SHC4: variants seen among roughly 807,000 people sequenced by gnomAD.
The protein encoded by SHC4 is SHC-transforming protein 4.
Under a neutral mutation model 69.4 loss-of-function variants are expected in SHC4, and 41 were observed. That is an observed-to-expected ratio of 0.59 (90% CI 0.46 to 0.77). The LOEUF (loss-of-function observed/expected upper bound fraction) is 0.77, where lower values mean the gene tolerates loss of function less well. SHC4 is among the 30% of genes least tolerant of loss of function. The probability of loss-of-function intolerance (pLI) is 0.00; values close to 1 mark genes in which losing one functional copy is unlikely to be tolerated. For missense variants in SHC4, 777 were observed against 783.8 expected (o/e 0.99, Z 0.10); for synonymous variants, 318 against 299.3 (o/e 1.06, Z -0.64).
At chr15:48,832,369 C>G (rs1898821782) in intron 11 of SHC4, among the ~76,000 whole-genome samples, 1 of 152,100 alleles carries the variant, frequency 6.6e-6, no homozygotes, top group South Asian at 2.1e-4. Flanking sequence ...TATATTGAAC[C>G]CACTGATAGT....
intron 2 of SHC4, among the ~76,000 whole-genome samples, chr15:48,910,231 T>G (rs1900483857): frequency 6.6e-6 from 1 of 152,146 alleles, no homozygotes; most frequent in South Asian, 2.1e-4. Flanking sequence ...ACCATTTCAA[T>G]CTCGCTGCTT....
chr15:48,892,589 G>A (rs1242482754), intron 2 of SHC4, among the ~76,000 whole-genome samples: 1 of 152,020 alleles, frequency 6.6e-6, no homozygotes, highest in Non-Finnish European at 1.5e-5. Context: ...CACTGATACT[G>A]CCGAAATAGC....
chr15:48,840,611 A>G (rs906467249), intron 10 of SHC4, among the ~76,000 whole-genome samples: 6 of 152,204 alleles, frequency 3.9e-5, no homozygotes, highest in Non-Finnish European at 7.3e-5. Context: ...TGCAGTTAAG[A>G]CATTTTATTA....
At chr15:48,900,487 A>G (rs1301670754) in intron 2 of SHC4, among the ~76,000 whole-genome samples, 5 of 151,786 alleles carry the variant, frequency 3.3e-5, no homozygotes, top group Non-Finnish European at 1.5e-5. Context: ...TGCCTGGGCT[A>G]CAGAGTGAGA....
rs889294249 is a variant in SHC4, at chr15:48,912,175, A to C, written c.656+12704T>G. On this transcript the variant is annotated intron_variant, in intron 2 of 11. Coordinates refer to ENST00000332408, the MANE Select transcript of SHC4 (RefSeq NM_203349.4). ...GTTTTCCTTGATTATTCCCCCAAAT[A>C]TGTCTTCCAAGTTTTGGAATTCTCT... Among the ~76,000 whole-genome samples, 32 of 152,158 alleles carry C rather than the reference A, an allele frequency of 2.1e-4. 1 individual carries two copies. The highest frequency in any genetic ancestry group is 2.0e-3 in the Admixed American group (30 of 15,284).
At chr15:48,885,294 A>G (rs1162911302) in intron 3 of SHC4, among the ~76,000 whole-genome samples, 1 of 152,064 alleles carries the variant, frequency 6.6e-6, no homozygotes, top group African/African-American at 2.4e-5. Context: ...AGACAAATAA[A>G]CTTTCTAAGC....
intron 4 of SHC4, among the ~76,000 whole-genome samples, chr15:48,875,262 C>T (rs1012923468): frequency 3.3e-5 from 5 of 152,212 alleles, no homozygotes; most frequent in African/African-American, 1.2e-4. Context: ...TGCATTAATA[C>T]TAAGCCTTTG....
At chr15:48,959,698 A>G (rs1374210558) in intron 1 of SHC4, among the ~76,000 whole-genome samples, 4 of 152,258 alleles carry the variant, frequency 2.6e-5, no homozygotes, top group Admixed American at 1.3e-4. Flanking sequence ...TTTTTCCTAC[A>G]GATGGGAATA....
chr15:48,896,019 T>G (rs145425346), intron 2 of SHC4, among the ~76,000 whole-genome samples: 352 of 152,148 alleles, frequency 2.3e-3, no homozygotes, highest in African/African-American at 8.1e-3. Flanking sequence ...GCCTAGGAGT[T>G]CAAGGCTGCA....
At chr15:48,893,167 G>A (rs1036981971) in intron 2 of SHC4, among the ~76,000 whole-genome samples, 2 of 152,116 alleles carry the variant, frequency 1.3e-5, no homozygotes, top group Non-Finnish European at 2.9e-5. Context: ...CTCTCAAGGA[G>A]GTTTTGAAAG....
chr15:48,857,557 G>T, intron 7 of SHC4, 135 bp downstream of exon 7: 1 of 788,622 alleles, frequency 1.3e-6, no homozygotes, highest in Non-Finnish European at 1.7e-6. Flanking sequence ...CTATTTGCAA[G>T]AAAAAAATTA....
intron 1 of SHC4, among the ~76,000 whole-genome samples, chr15:48,933,180 T>G (rs1438930429): frequency 6.6e-6 from 1 of 152,118 alleles, no homozygotes; most frequent in African/African-American, 2.4e-5. Context: ...ATCATTCCAG[T>G]CCCTCGTTAC....
intron 4 of SHC4, chr15:48,876,431 T>C (rs1340096156): frequency 8.2e-6 from 3 of 367,248 alleles, no homozygotes; most frequent in Non-Finnish European, 9.5e-6. Flanking sequence ...ACAGAACTAA[T>C]GGAATATATA....
chr15:48,826,335 T>A (rs2140961007), intron 11 of SHC4, among the ~76,000 whole-genome samples: 1 of 150,366 alleles, frequency 6.7e-6, no homozygotes, highest in South Asian at 2.1e-4. Flanking sequence ...CACTGCAACC[T>A]CCACCTCCTG....
chr15:48,902,029 C>T (rs1242099460), intron 2 of SHC4, among the ~76,000 whole-genome samples: 4 of 152,014 alleles, frequency 2.6e-5, no homozygotes, highest in Admixed American at 6.6e-5. Context: ...TGGCAAAACC[C>T]TGTCTCTACA....
intron 11 of SHC4, among the ~76,000 whole-genome samples, chr15:48,831,498 T>C (rs1024332041): frequency 3.3e-5 from 5 of 152,344 alleles, no homozygotes; most frequent in Admixed American, 6.5e-5. Context: ...ATATTTACCA[T>C]TGTGTTACAA....
chr15:48,864,968 G>A (rs971377386), intron 6 of SHC4, among the ~76,000 whole-genome samples: 9 of 151,960 alleles, frequency 5.9e-5, no homozygotes, highest in African/African-American at 2.2e-4. Flanking sequence ...GCCTTTACAC[G>A]CACATTCGCA....
rs952898337 is a variant in SHC4 at position 48,837,285 on chromosome 15, C to T, written c.1484-2263G>A. 7.2e-5 allele frequency among the ~76,000 whole-genome samples: 11 copies of T among 152,102 alleles called. 1 individual carries two copies. The highest frequency in any genetic ancestry group is 2.2e-4 in the African/African-American group (9 of 41,404). On this transcript the variant is annotated intron_variant, in intron 10 of 11. Coordinates refer to ENST00000332408, the MANE Select transcript of SHC4 (RefSeq NM_203349.4). ...AAATTAGCAGAAGGACAAGATACTCCGCTGGGAGATTTCAATCATCCAAAC... is the reference window on the plus strand; with the variant it reads ...AAATTAGCAGAAGGACAAGATACTCTGCTGGGAGATTTCAATCATCCAAAC...
intron 11 of SHC4, among the ~76,000 whole-genome samples, chr15:48,829,078 C>T (rs1324673366): frequency 1.3e-5 from 2 of 152,136 alleles, no homozygotes; most frequent in Non-Finnish European, 2.9e-5. Flanking sequence ...AGTTTTCCTT[C>T]TGCCTCTAGT....
Sources: gnomAD v4.1 joint callset for allele counts (sites outside exome capture counted in the v4.1 genomes callset) on GRCh38, gnomAD v4.1.1 for gene constraint, MANE v1.5 for transcripts, NCBI Gene and HGNC (gene_info 2026-07-23, HGNC 2026-07-21) for gene names.